The following PRKAR1A variants were observed in gnomAD, a reference collection of about 807,000 sequenced individuals.
The protein encoded by PRKAR1A is cAMP-dependent protein kinase type I-alpha regulatory subunit.
Under a neutral mutation model 52.0 loss-of-function variants are expected in PRKAR1A, and 3 were observed. That is an observed-to-expected ratio of 0.06 (90% CI 0.03 to 0.15). The LOEUF is 0.15. Among genes scored for constraint, PRKAR1A ranks in the 10% least tolerant of loss-of-function variants. PRKAR1A has a pLI of 1.00. For missense variants in PRKAR1A, 240 were observed against 477.4 expected (o/e 0.50, Z 4.63); for synonymous variants, 188 against 168.4 (o/e 1.12, Z -0.90).
Position 68,533,373 on chromosome 17 carries a change from C to T in PRKAR1A, c.*2924C>T, listed in dbSNP as rs1236852130. On this transcript the variant is annotated 3_prime_UTR_variant, in exon 11 of 11. Transcript: ENST00000589228. ...CCTTTTCTAGATTCAGTAATCCCTT[C>T]CCCCCGTCCTCTGGAGTATGAAACC... 1 of 1,061,270 alleles carries T rather than the reference C, an allele frequency of 9.4e-7. No individual in the cohort carries two copies. The highest frequency in any genetic ancestry group is 1.6e-5 in the African/African-American group (1 of 60,866). The allele number at this position is 1,061,270 out of a possible 1,614,324, so 65.7% of individuals were successfully genotyped here. A position where few individuals can be genotyped will look rare whatever the true frequency, so the allele number is the denominator to read the frequency against.
At chr17:68,521,648 A>G (rs931664814) in intron 2 of PRKAR1A, among the ~76,000 whole-genome samples, 1 of 152,264 alleles carries the variant, frequency 6.6e-6, no homozygotes, top group Non-Finnish European at 1.5e-5. Flanking sequence ...TGAGTTTTCT[A>G]AAAACCATAT....
upstream of PRKAR1A, among the ~76,000 whole-genome samples, chr17:68,510,192 A>AGAGAGAGAGAGAGAGAGAGAGAGAGATC (rs2085246142): frequency 6.6e-6 from 1 of 151,512 alleles, no homozygotes; most frequent in Admixed American, 6.6e-5. Context: ...AGAGAGAGAG[A>AGAGAGAGAGAGAGAGAGAGAGAGAGATC]GAGATCTATC....
At chr17:68,453,694 G>C in the PRKAR1A span, among the ~76,000 whole-genome samples, 1 of 152,042 alleles carries the variant, frequency 6.6e-6, no homozygotes, top group African/African-American at 2.4e-5. Context: ...GACTAGGCTG[G>C]TCTTGAACTC....
the PRKAR1A span, among the ~76,000 whole-genome samples, chr17:68,415,500 GT>G: frequency 1.5e-4 from 23 of 152,182 alleles, no homozygotes; most frequent in Admixed American, 8.5e-4. Context: ...TTCTGCAGTT[GT>G]TGGTTGGAAT....
At chr17:68,514,116 C>T (rs1232170081) in intron 1 of PRKAR1A, among the ~76,000 whole-genome samples, 1 of 152,080 alleles carries the variant, frequency 6.6e-6, no homozygotes, top group Non-Finnish European at 1.5e-5. Context: ...TTTTCCATGG[C>T]TTCTAATTTA....
At chr17:68,439,606 G>A in the PRKAR1A span, among the ~76,000 whole-genome samples, 1 of 152,114 alleles carries the variant, frequency 6.6e-6, no homozygotes, top group Non-Finnish European at 1.5e-5. Context: ...CATTTTAAAC[G>A]GGTGAATTGT....
At chr17:68,417,719 A>G in the PRKAR1A span, among the ~76,000 whole-genome samples, 4 of 145,094 alleles carry the variant, frequency 2.8e-5, no homozygotes, top group Admixed American at 1.4e-4. Flanking sequence ...AAAAGACCTA[A>G]TAAGAGTTGC....
chr17:68,504,543 A>G, the PRKAR1A span, among the ~76,000 whole-genome samples: 1 of 152,230 alleles, frequency 6.6e-6, no homozygotes, highest in African/African-American at 2.4e-5. Flanking sequence ...TTGCAACAAC[A>G]TGGAAACAAC....
At chr17:68,457,538 T>A in the PRKAR1A span, 598 of 216,980 alleles carry the variant, frequency 2.8e-3, no homozygotes, top group South Asian at 7.3e-3. Flanking sequence ...CCCCGCCCCG[T>A]CCCCACCCCG....
chr17:68,418,699 G>A, the PRKAR1A span, among the ~76,000 whole-genome samples: 1 of 152,186 alleles, frequency 6.6e-6, no homozygotes, highest in South Asian at 2.1e-4. Flanking sequence ...GAAGTCGTCA[G>A]TGGAACCATC....
chr17:68,451,887 T>C, the PRKAR1A span, among the ~76,000 whole-genome samples: 98 of 152,356 alleles, frequency 6.4e-4, 1 homozygote, highest in African/African-American at 2.3e-3. Context: ...CACATTCTTT[T>C]CATATGTGTG....
intron 11 of PRKAR1A, chr17:68,542,144 G>A: frequency 6.2e-7 from 1 of 1,614,090 alleles, no homozygotes; most frequent in Non-Finnish European, 8.5e-7. Flanking sequence ...TGGACACTTG[G>A]CGAAGAAGCA....
At chr17:68,529,123 C>A in intron 9 of PRKAR1A, 132 bp downstream of exon 9, 1 of 1,050,264 alleles carries the variant, frequency 9.5e-7, no homozygotes, top group Non-Finnish European at 1.4e-6. Context: ...TTTAAGAATA[C>A]CTGACCATTT....
chr17:68,528,679 G>A, intron 8 of PRKAR1A, 191 bp from the exon 9 acceptor site: 3 of 694,236 alleles, frequency 4.3e-6, no homozygotes, highest in Non-Finnish European at 7.3e-6. Flanking sequence ...AGGATCTAAG[G>A]GCTATCTGCA....
At chr17:68,528,394 GC>G (rs2085858342) in intron 8 of PRKAR1A, among the ~76,000 whole-genome samples, 1 of 152,146 alleles carries the variant, frequency 6.6e-6, no homozygotes, top group Non-Finnish European at 1.5e-5. Context: ...GGTTACATAT[GC>G]TTTGTGTTTT....
the PRKAR1A span, among the ~76,000 whole-genome samples, chr17:68,457,038 C>T: frequency 6.6e-6 from 1 of 152,238 alleles, no homozygotes; most frequent in Non-Finnish European, 1.5e-5. Flanking sequence ...TTTCCCACCG[C>T]CCTGCTCCCC....
intron 9 of PRKAR1A, 143 bp downstream of exon 9, chr17:68,529,134 T>C (rs2085885824): frequency 2.0e-6 from 2 of 993,806 alleles, no homozygotes. Context: ...CTGACCATTT[T>C]ATTTTAAAAT....
chr17:68,420,299 G>A, the PRKAR1A span: 1 of 1,614,076 alleles, frequency 6.2e-7, no homozygotes, highest in Non-Finnish European at 8.5e-7. Context: ...AGAAAGAGGT[G>A]GTGCGGAGTA....
the PRKAR1A span, among the ~76,000 whole-genome samples, chr17:68,464,693 A>C: frequency 4.0e-4 from 24 of 59,418 alleles, no homozygotes; most frequent in African/African-American, 1.7e-3. Flanking sequence ...GTCTCAAAAA[A>C]AAAAACAAAA....
Sources: gnomAD v4.1 joint callset for allele counts (sites outside exome capture counted in the v4.1 genomes callset) on GRCh38, gnomAD v4.1.1 for gene constraint, MANE v1.5 for transcripts, NCBI Gene and HGNC (gene_info 2026-07-23, HGNC 2026-07-21) for gene names.